Variants in GPR107 observed in about 807,000 individuals in gnomAD.
GPR107 encodes the protein protein GPR107.
A neutral mutation model predicts 75.5 loss-of-function variants in GPR107; 31 were observed. The ratio of observed to expected loss-of-function variants is 0.41; its 90% CI spans 0.31 to 0.55. The LOEUF (loss-of-function observed/expected upper bound fraction) is 0.55. GPR107 is among the 20% of genes least tolerant of loss of function. The probability of loss-of-function intolerance (pLI) is 0.26; values close to 1 mark genes in which losing one functional copy is unlikely to be tolerated. For synonymous variants in GPR107, 267 were observed against 251.3 expected, an observed-to-expected ratio of 1.06 and a Z score of -0.59; for missense variants, 572 against 665.7, an observed-to-expected ratio of 0.86 and a Z score of 1.55.
intron 6 of GPR107, among the ~76,000 whole-genome samples, chr9:130,085,996 C>G (rs1830607402): frequency 6.6e-6 from 1 of 152,034 alleles, no homozygotes; most frequent in Admixed American, 6.6e-5. Context: ...AGTGATCTGC[C>G]CACCTTGGCC....
chr9:130,092,002 T>A (rs1212694571), intron 8 of GPR107, among the ~76,000 whole-genome samples: 4 of 152,002 alleles, frequency 2.6e-5, no homozygotes, highest in Admixed American at 6.6e-5. Flanking sequence ...CCCTAATTTT[T>A]TTTGTGTTTT....
At chr9:130,082,444 C>T (rs1265116556) in intron 5 of GPR107, among the ~76,000 whole-genome samples, 1 of 151,770 alleles carries the variant, frequency 6.6e-6, no homozygotes, top group Non-Finnish European at 1.5e-5. Context: ...TGCAGGGAGC[C>T]TGAAGTCCAG....
chr9:130,093,133 T>A (rs1206443504), intron 9 of GPR107, among the ~76,000 whole-genome samples: 1 of 152,188 alleles, frequency 6.6e-6, no homozygotes, highest in Non-Finnish European at 1.5e-5. Flanking sequence ...TGCACTGGGA[T>A]AGATTCTCTG....
chr9:130,090,211 C>T (rs62583874), intron 7 of GPR107, among the ~76,000 whole-genome samples: 3,632 of 152,254 alleles, frequency 0.024, 83 homozygotes, highest in Middle Eastern at 0.078. Flanking sequence ...ACCAAGAAGT[C>T]ATATTCTCTA....
intron 10 of GPR107, among the ~76,000 whole-genome samples, chr9:130,099,918 G>A (rs1299738184): frequency 9.7e-6 from 1 of 102,718 alleles, no homozygotes; most frequent in Admixed American, 1.4e-4. Flanking sequence ...TTTTTGAGAC[G>A]GGGCCTCGCT....
chr9:130,098,501 G>A (rs1830934681), intron 9 of GPR107, among the ~76,000 whole-genome samples: 1 of 152,112 alleles, frequency 6.6e-6, no homozygotes, highest in South Asian at 2.1e-4. Context: ...TGTTTTCTCA[G>A]GTCCATCTAC....
chr9:130,114,167 G>A (rs1409364235), intron 14 of GPR107, among the ~76,000 whole-genome samples: 1 of 150,814 alleles, frequency 6.6e-6, no homozygotes, highest in Non-Finnish European at 1.5e-5. Flanking sequence ...TCAGGAGTTC[G>A]AGACCAGCCT....
At chr9:130,121,414 G>A (rs1054888171) in intron 14 of GPR107, among the ~76,000 whole-genome samples, 3 of 152,214 alleles carry the variant, frequency 2.0e-5, no homozygotes, top group Non-Finnish European at 2.9e-5. Context: ...ATTCAAAGCT[G>A]TCCTGGGGCG....
At chr9:130,065,981 C>CA (rs1351417106) in intron 1 of GPR107, among the ~76,000 whole-genome samples, 1 of 151,630 alleles carries the variant, frequency 6.6e-6, no homozygotes, top group East Asian at 1.9e-4. Context: ...TCACTCCCCC[C>CA]CAAAAGTATC....
intron 14 of GPR107, chr9:130,108,888 C>T (rs918919907): frequency 1.5e-5 from 6 of 410,060 alleles, no homozygotes; most frequent in Admixed American, 3.0e-5. Context: ...TGCTTCTAGC[C>T]GGGCTACATA....
chr9:130,121,750 C>A (rs1300339337), intron 14 of GPR107, among the ~76,000 whole-genome samples: 1 of 152,232 alleles, frequency 6.6e-6, no homozygotes, highest in African/African-American at 2.4e-5. Context: ...CCCATGCTTA[C>A]CCCTGTCAGG....
At chr9:130,094,736 A>G (rs1012075230) in intron 9 of GPR107, among the ~76,000 whole-genome samples, 7 of 151,872 alleles carry the variant, frequency 4.6e-5, no homozygotes, top group South Asian at 2.1e-4. Flanking sequence ...GCTGGAGTGC[A>G]GTGGTGAGAT....
At chr9:130,117,740 A>G (rs1025750637) in intron 14 of GPR107, among the ~76,000 whole-genome samples, 2 of 150,190 alleles carry the variant, frequency 1.3e-5, no homozygotes, top group African/African-American at 4.9e-5. Context: ...GCAGAGAGGA[A>G]GCAGGCAACA....
intron 7 of GPR107, among the ~76,000 whole-genome samples, chr9:130,088,474 G>A (rs989374810): frequency 3.3e-5 from 5 of 152,044 alleles, no homozygotes; most frequent in Non-Finnish European, 7.3e-5. Flanking sequence ...TTTATTGCCT[G>A]TCTCCCCCTC....
rs568675748 is a variant in GPR107 at position 130,105,420 on chromosome 9, A to AT, written c.1262+878dup. On this transcript the variant is annotated intron_variant, in intron 13 of 17. Transcript: ENST00000347136. ...AGGTGCGTGTCACCATGCCTGGCTA[A>AT]TTTTTTTTGTATTTTTAGTAGAGAC... Among the ~76,000 whole-genome samples the AT allele has an allele frequency of 4.5e-3, 688 of 151,608 alleles. 20 individuals carry two copies. Among genetic ancestry groups the AT allele is most frequent in the Admixed American group, 0.035 (536 of 15,202 alleles).
At chr9:130,070,426 C>G (rs1007309124) in intron 1 of GPR107, among the ~76,000 whole-genome samples, 3 of 152,132 alleles carry the variant, frequency 2.0e-5, no homozygotes, top group African/African-American at 7.2e-5. Flanking sequence ...GCCTCAGCCT[C>G]CCACGTAGCT....
chr9:130,121,002 C>G (rs1831533520), intron 14 of GPR107: 1 of 152,104 alleles, frequency 6.6e-6, no homozygotes, highest in Non-Finnish European at 1.5e-5. Flanking sequence ...CTCAGGAATT[C>G]GAGACCAGCC....
At chr9:130,058,326 A>G (rs573919074) in intron 1 of GPR107, among the ~76,000 whole-genome samples, 16 of 152,244 alleles carry the variant, frequency 1.1e-4, no homozygotes, top group Admixed American at 3.9e-4. Flanking sequence ...CTGTCACCCC[A>G]TAAGATCCCT....
chr9:130,110,671 A>G (rs957433571), intron 14 of GPR107, among the ~76,000 whole-genome samples: 18 of 152,334 alleles, frequency 1.2e-4, no homozygotes, highest in African/African-American at 3.6e-4. Context: ...CCGTGTTCCC[A>G]GCTGGAGCCT....
Sources: gnomAD v4.1 joint callset for allele counts (sites outside exome capture counted in the v4.1 genomes callset) on GRCh38, gnomAD v4.1.1 for gene constraint, MANE v1.5 for transcripts, NCBI Gene and HGNC (gene_info 2026-07-23, HGNC 2026-07-21) for gene names.